The following DYNC2I2 variants were observed in gnomAD, a reference collection of about 807,000 sequenced individuals.
DYNC2I2 encodes cytoplasmic dynein 2 intermediate chain 2.
Under a neutral mutation model 52.0 loss-of-function variants are expected in DYNC2I2, and 39 were observed. The ratio of observed to expected loss-of-function variants is 0.75; its 90% CI spans 0.58 to 0.98. DYNC2I2 has a LOEUF of 0.98. Ranked by LOEUF, DYNC2I2 falls within the 50% of genes least tolerant of loss-of-function variation. The pLI, the probability that DYNC2I2 is intolerant of heterozygous loss-of-function variation, is 0.00. For missense variants in DYNC2I2, 743 were observed against 728.4 expected (o/e 1.02, Z -0.23); for synonymous variants, 359 against 321.1 (o/e 1.12, Z -1.26).
At position 128,635,245 on chromosome 9, in the gene DYNC2I2, G is replaced by A. The variant is rs759592521; in HGVS notation, c.828C>T (p.Pro276=). 1.2e-5 allele frequency: 19 copies of A among 1,612,402 alleles called. No homozygotes were observed. Among genetic ancestry groups the A allele is most frequent in the African/African-American group, 5.3e-5 (4 of 74,888 alleles). ...GGAAGCGGTGGCTGTGCCCAGGCTC[G>A]GGCAGCCACACCACCTGAGTTAACA... ...TDPVSQVVWL[P]EPGHSHRFQV... The change falls in exon 6 of 9, where the codon CCC becomes CCT. Residue 276 remains proline, a synonymous_variant. Transcript: ENST00000372715.
chr9:128,655,578 A>G (rs1250873868), intron 1 of DYNC2I2, among the ~76,000 whole-genome samples: 1 of 148,982 alleles, frequency 6.7e-6, no homozygotes, highest in Non-Finnish European at 1.5e-5. Context: ...ACTACACTCC[A>G]GCCTGGGCGA....
At chr9:128,648,729 G>A (rs1860667152) in intron 1 of DYNC2I2, among the ~76,000 whole-genome samples, 1 of 151,954 alleles carries the variant, frequency 6.6e-6, no homozygotes, top group Non-Finnish European at 1.5e-5. Flanking sequence ...GAACCTGGGA[G>A]GTATAGGTTG....
intron 1 of DYNC2I2, among the ~76,000 whole-genome samples, chr9:128,645,116 C>T (rs535949039): frequency 9.1e-4 from 138 of 151,896 alleles, no homozygotes; most frequent in Non-Finnish European, 1.1e-3. Flanking sequence ...TTTGGGAGGC[C>T]GAGGCGGGCA....
intron 1 of DYNC2I2, among the ~76,000 whole-genome samples, chr9:128,656,062 A>G (rs1403981892): frequency 6.6e-6 from 1 of 151,146 alleles, no homozygotes; most frequent in Non-Finnish European, 1.5e-5. Flanking sequence ...TAAATAAATA[A>G]ACAGCCAGCG....
intron 2 of DYNC2I2, among the ~76,000 whole-genome samples, chr9:128,637,601 C>T (rs115741167): frequency 0.022 from 3,329 of 152,236 alleles, 107 homozygotes; most frequent in African/African-American, 0.076. Context: ...TGCCACCAAA[C>T]CTGGATAATT....
chr9:128,659,897 A>G (rs891033817), upstream of DYNC2I2, among the ~76,000 whole-genome samples: 1 of 151,394 alleles, frequency 6.6e-6, no homozygotes, highest in Non-Finnish European at 1.5e-5. Context: ...AACAAGAGCA[A>G]GACTCTGTCT....
chr9:128,654,359 G>A (rs1057490541), intron 1 of DYNC2I2, among the ~76,000 whole-genome samples: 3 of 152,114 alleles, frequency 2.0e-5, no homozygotes, highest in African/African-American at 7.2e-5. Flanking sequence ...CTTCTGGGAC[G>A]TGTGCAGCAC....
the DYNC2I2 span, among the ~76,000 whole-genome samples, chr9:128,666,861 G>A: frequency 6.6e-6 from 1 of 151,884 alleles, no homozygotes. Flanking sequence ...GAGCCCAGAA[G>A]TTCAAGACCA....
At chr9:128,678,679 C>G in the DYNC2I2 span, among the ~76,000 whole-genome samples, 1 of 151,508 alleles carries the variant, frequency 6.6e-6, no homozygotes, top group Non-Finnish European at 1.5e-5. Context: ...CCAGGCTGGC[C>G]TTGAACTCCT....
chr9:128,648,222 C>A (rs967016052), intron 1 of DYNC2I2, among the ~76,000 whole-genome samples: 1 of 151,612 alleles, frequency 6.6e-6, no homozygotes, highest in Non-Finnish European at 1.5e-5. Flanking sequence ...CCCTGGCCAA[C>A]ATGGCAAAAT....
At chr9:128,644,635 C>T (rs1042182361) in intron 1 of DYNC2I2, among the ~76,000 whole-genome samples, 3 of 152,130 alleles carry the variant, frequency 2.0e-5, no homozygotes, top group Non-Finnish European at 2.9e-5. Context: ...ATCTCAGCCA[C>T]GGTGCCCTCC....
chr9:128,635,781 G>C lies in DYNC2I2; in HGVS notation c.704-14C>G, dbSNP rs746969251. 1.2e-5 allele frequency: 19 copies of C among 1,603,180 alleles called. No homozygotes were observed. The highest frequency in any genetic ancestry group is 1.5e-5 in the Non-Finnish European group (18 of 1,174,192). On this transcript the variant is annotated splice_polypyrimidine_tract_variant and intron_variant, in intron 4 of 8. Coordinates refer to ENST00000372715, the MANE Select transcript of DYNC2I2 (RefSeq NM_052844.4). ...TGTACAGCCCTCCTGCAGGGACAGT[G>C]GACCTGGGCAGAGGCTCAGCCCCAC...
Position 128,637,025 on chromosome 9 carries a change from C to G in DYNC2I2, c.438G>C (p.Val146=). The G allele has an allele frequency of 6.2e-7, 1 of 1,612,690 alleles. No individual in the cohort carries two copies. The highest frequency in any genetic ancestry group is 8.5e-7 in the Non-Finnish European group (1 of 1,179,614). The change falls in exon 3 of 9, where the codon GTG becomes GTC. Residue 146 remains valine (V), a splice_region_variant and synonymous_variant. Transcript: ENST00000372715. ...EVNWTEQQQM[V]SCLYTLGYPP... ...GGTAGCCCAGGGTATACAGACAAGACACCTGCGGAGACGTCCCCAACCCTG... is the reference window on the plus strand; with the variant it reads ...GGTAGCCCAGGGTATACAGACAAGAGACCTGCGGAGACGTCCCCAACCCTG...
chr9:128,671,557 C>T, the DYNC2I2 span, among the ~76,000 whole-genome samples: 1 of 149,846 alleles, frequency 6.7e-6, no homozygotes, highest in African/African-American at 2.5e-5. Context: ...AATGTAACCT[C>T]TGCCTCCCGG....
intron 1 of DYNC2I2, among the ~76,000 whole-genome samples, chr9:128,646,561 G>C (rs975121096): frequency 6.6e-6 from 1 of 152,236 alleles, no homozygotes; most frequent in African/African-American, 2.4e-5. Context: ...ATGTGAACTA[G>C]AAAGAAGTCA....
intron 2 of DYNC2I2, among the ~76,000 whole-genome samples, chr9:128,637,947 C>T (rs1423664863): frequency 1.3e-5 from 2 of 152,084 alleles, no homozygotes. Flanking sequence ...AAGAAACTAT[C>T]AACTGAGGGC....
the DYNC2I2 span, among the ~76,000 whole-genome samples, chr9:128,669,002 C>T: frequency 1.3e-5 from 2 of 151,008 alleles, no homozygotes; most frequent in African/African-American, 4.9e-5. Flanking sequence ...AGACCGAGGC[C>T]GGTGGATCAC....
At chr9:128,674,470 G>A in the DYNC2I2 span, among the ~76,000 whole-genome samples, 3 of 151,612 alleles carry the variant, frequency 2.0e-5, no homozygotes, top group Admixed American at 1.3e-4. Flanking sequence ...TTGGCCTGGC[G>A]TGGTGGCTCA....
At chr9:128,672,035 G>T in the DYNC2I2 span, among the ~76,000 whole-genome samples, 19 of 139,188 alleles carry the variant, frequency 1.4e-4, no homozygotes, top group East Asian at 1.1e-3. Flanking sequence ...GTGCAGTGGC[G>T]CGATCTCAGC....
Sources: allele counts gnomAD v4.1 joint callset (sites outside exome capture counted in the v4.1 genomes callset), GRCh38; gene constraint gnomAD v4.1.1; transcripts MANE v1.5; gene names NCBI Gene and HGNC (gene_info 2026-07-23, HGNC 2026-07-21).